Variants in TCF4 observed in about 807,000 individuals in gnomAD.
The protein encoded by TCF4 is transcription factor 4.
In TCF4, 3 loss-of-function variants were observed where a neutral mutation model predicts 82.1. The ratio of observed to expected loss-of-function variants is 0.04; its 90% CI spans 0.02 to 0.09. The LOEUF (loss-of-function observed/expected upper bound fraction) is 0.09. Ranked by LOEUF, TCF4 falls within the 10% of genes least tolerant of loss-of-function variation. The pLI, the probability that TCF4 is intolerant of heterozygous loss-of-function variation, is 1.00. For synonymous variants in TCF4, 276 were observed against 309.6 expected (o/e 0.89, Z 1.14); for missense variants, 518 against 852.7 (o/e 0.61, Z 4.89).
chr18:55,510,492 T>A (rs1269917469), intron 3 of TCF4: 3 of 1,032,878 alleles, frequency 2.9e-6, no homozygotes, highest in Non-Finnish European at 4.0e-6. Context: ...TGTCCAGCAA[T>A]TCAAACTTCT....
In TCF4 at chr18:55,227,788, T is replaced by C; in HGVS notation, c.*247A>G. On this transcript the variant is annotated 3_prime_UTR_variant, in exon 20 of 20. Coordinates refer to ENST00000354452, the MANE Select transcript of TCF4 (RefSeq NM_001083962.2). ...CAGCCTGTACATACTGCTTTGCACATTCTGAATGATATGTTAAAGAAAGTC... is the reference window on the plus strand; with the variant it reads ...CAGCCTGTACATACTGCTTTGCACACTCTGAATGATATGTTAAAGAAAGTC... 1 of 228,220 alleles carries C rather than the reference T, an allele frequency of 4.4e-6. No homozygotes were observed. Among genetic ancestry groups the C allele is most frequent in the Non-Finnish European group, 8.7e-6 (1 of 114,820 alleles). 14.1% of individuals were successfully genotyped at this position (228,220 alleles called of 1,614,324 possible). A position where few individuals can be genotyped will look rare whatever the true frequency, so the allele number is the denominator to read the frequency against.
At chr18:55,479,493 T>C (rs2096374762) in intron 3 of TCF4, among the ~76,000 whole-genome samples, 1 of 152,196 alleles carries the variant, frequency 6.6e-6, no homozygotes, top group Non-Finnish European at 1.5e-5. Flanking sequence ...AAATTCCCCA[T>C]CTTCCTTTGC....
intron 3 of TCF4, among the ~76,000 whole-genome samples, chr18:55,505,576 G>A (rs542439485): frequency 4.6e-5 from 7 of 151,708 alleles, no homozygotes; most frequent in Non-Finnish European, 1.0e-4. Flanking sequence ...AGGCCGAGGC[G>A]GGCGGATCAC....
rs529595629 is a variant in TCF4 at position 55,274,291 on chromosome 18, G to A, written c.789+1328C>T. On this transcript the variant is annotated intron_variant, in intron 10 of 19. Coordinates refer to ENST00000354452, the MANE Select transcript of TCF4 (RefSeq NM_001083962.2). ...GAAAATAAGTCATCTGCTATTTACT[G>A]GAAATGTGCTGAAATGTGAGATAGT... 2.0e-5 allele frequency among the ~76,000 whole-genome samples: 3 copies of A among 152,134 alleles called. No homozygotes were observed. In the South Asian group the frequency reaches 6.2e-4, roughly 31 times the overall value.
At chr18:55,482,577 G>T (rs2096455054) in intron 3 of TCF4, 1 of 152,184 alleles carries the variant, frequency 6.6e-6, no homozygotes. Context: ...TATTGCTTAA[G>T]AGGTCTTTGT....
intron 5 of TCF4, among the ~76,000 whole-genome samples, chr18:55,410,296 A>G (rs767369185): frequency 1.3e-5 from 2 of 152,112 alleles, no homozygotes; most frequent in Non-Finnish European, 2.9e-5. Context: ...GCTGCATTTC[A>G]TCACTGATTC....
intron 6 of TCF4, among the ~76,000 whole-genome samples, chr18:55,355,852 T>C (rs1016736878): frequency 1.1e-4 from 17 of 152,166 alleles, no homozygotes; most frequent in African/African-American, 4.1e-4. Context: ...GTTTTTTATT[T>C]CTACATTAAA....
intron 3 of TCF4, among the ~76,000 whole-genome samples, chr18:55,468,234 G>C (rs1242832777): frequency 6.6e-6 from 1 of 152,202 alleles, no homozygotes; most frequent in Non-Finnish European, 1.5e-5. Context: ...AAGGCCAGAG[G>C]TATGATGAGT....
intron 17 of TCF4, chr18:55,229,304 G>T: frequency 3.5e-6 from 2 of 567,608 alleles, no homozygotes; most frequent in Middle Eastern, 4.5e-4. Context: ...AACCAAACAG[G>T]TGAGGGTGAC....
At chr18:55,353,265 C>T (rs1309871265) in intron 6 of TCF4, among the ~76,000 whole-genome samples, 3 of 152,138 alleles carry the variant, frequency 2.0e-5, no homozygotes, top group Non-Finnish European at 4.4e-5. Context: ...CAGCTACAGG[C>T]TGTGGTTGAC....
intron 1 of TCF4, among the ~76,000 whole-genome samples, chr18:55,587,459 C>T (rs1227270537): frequency 8.9e-5 from 13 of 146,836 alleles, no homozygotes; most frequent in Admixed American, 7.5e-4. Context: ...AAAAGCCGCT[C>T]TTCAGCGCAT....
In TCF4 at chr18:55,228,893, G is replaced by C. The variant is rs1196779935; in HGVS notation, c.1833C>G (p.Leu611=). 6.8e-6 allele frequency: 11 copies of C among 1,614,034 alleles called. No individual in the cohort carries two copies. Among genetic ancestry groups the C allele is most frequent in the Middle Eastern group, 1.6e-4 (1 of 6,084 alleles). Residue 611 remains leucine (L), a synonymous_variant, in exon 18 of 20, where the codon CTC becomes CTG. Transcript: ENST00000354452. ...SDKPQTKLLI[L]HQAVAVILSL... is the part of the protein sequence containing the mutation. ...TGAGGATGACGGCCACCGCCTGGTGGAGGATCAGGAGCTTGGTCTGGGGCT... is the reference window on the plus strand; with the variant it reads ...TGAGGATGACGGCCACCGCCTGGTGCAGGATCAGGAGCTTGGTCTGGGGCT...
At chr18:55,575,149 A>T (rs1456824885) in intron 3 of TCF4, among the ~76,000 whole-genome samples, 1 of 152,204 alleles carries the variant, frequency 6.6e-6, no homozygotes, top group Non-Finnish European at 1.5e-5. Context: ...GAATAATAAG[A>T]TGTTAATAAA....
chr18:55,390,489 T>C (rs1197503989), intron 6 of TCF4, among the ~76,000 whole-genome samples: 1 of 151,684 alleles, frequency 6.6e-6, no homozygotes, highest in East Asian at 1.9e-4. Context: ...TGTTGAATGT[T>C]CTAAATGGTC....
chr18:55,321,906 C>T, intron 8 of TCF4: 1 of 1,402,824 alleles, frequency 7.1e-7, no homozygotes, highest in Non-Finnish European at 9.3e-7. Context: ...CGGGGGAGGC[C>T]GCGGCGCTGC....
At position 55,234,535 on chromosome 18, in the gene TCF4, G is replaced by A. The variant is rs2048810522; in HGVS notation, c.1486+13C>T. The A allele has an allele frequency of 1.9e-6, 3 of 1,614,064 alleles. No individual in the cohort carries two copies. In the South Asian group the frequency reaches 3.3e-5, roughly 18 times the overall value. ...AAAGTGAGGTCAGAAGTGCCCTGGTGAGGCCAACCTACCTCTGTAAGGGTC... is the reference window on the plus strand; with the variant it reads ...AAAGTGAGGTCAGAAGTGCCCTGGTAAGGCCAACCTACCTCTGTAAGGGTC... On this transcript the variant is annotated intron_variant, in intron 16 of 19. Transcript: ENST00000354452.
chr18:55,581,386 T>C (rs1165916381), intron 3 of TCF4, among the ~76,000 whole-genome samples: 1 of 152,036 alleles, frequency 6.6e-6, no homozygotes, highest in Non-Finnish European at 1.5e-5. Flanking sequence ...TCTAATGGGT[T>C]TCTATACCCA....
rs1208316855 is a variant in TCF4 at position 55,446,332 on chromosome 18, G to GA, written c.304+14686dup. Among the ~76,000 whole-genome samples, 19 of 152,194 alleles carry GA rather than the reference G, an allele frequency of 1.2e-4. No individual in the cohort carries two copies. The South Asian group carries it at 3.5e-3, about 28-fold the overall frequency. On this transcript the variant is annotated intron_variant, in intron 5 of 19. Transcript: ENST00000354452. The stretch of plus-strand genomic sequence containing the variant: ...TCCAGACACCTCCTAAAATGAAGGG[G>GA]AAAAACCCCTTTGTTTTACTAACCT...
At chr18:55,586,619 T>C (rs980411364) in intron 2 of TCF4, among the ~76,000 whole-genome samples, 1 of 152,238 alleles carries the variant, frequency 6.6e-6, no homozygotes, top group Admixed American at 6.5e-5. Context: ...CTTAAAACTT[T>C]AAAGAGACAA....
Sources: gnomAD v4.1 joint callset for allele counts (sites outside exome capture counted in the v4.1 genomes callset) on GRCh38, gnomAD v4.1.1 for gene constraint, MANE v1.5 for transcripts, NCBI Gene and HGNC (gene_info 2026-07-23, HGNC 2026-07-21) for gene names.